JAML: variants seen among roughly 807,000 people sequenced by gnomAD.
JAML encodes the protein junction adhesion molecule like.
Under a neutral mutation model 39.3 loss-of-function variants are expected in JAML, and 25 were observed. That is an observed-to-expected ratio of 0.64 (90% CI 0.46 to 0.89). The LOEUF (loss-of-function observed/expected upper bound fraction) is 0.89. Among genes scored for constraint, JAML ranks in the 40% least tolerant of loss-of-function variants. The pLI is 0.00. For missense variants in JAML, 440 were observed against 486.9 expected, an observed-to-expected ratio of 0.90 and a Z score of 0.91; for synonymous variants, 162 against 179.2, an observed-to-expected ratio of 0.90 and a Z score of 0.77.
chr11:118,203,964 T>A (rs1948867173), intron 5 of JAML: 1 of 343,490 alleles, frequency 2.9e-6, no homozygotes, highest in African/African-American at 2.1e-5. Context: ...TATACTTTTA[T>A]TCTTGATGAC....
At chr11:118,221,272 C>G (rs896137906) in intron 1 of JAML, among the ~76,000 whole-genome samples, 3 of 152,216 alleles carry the variant, frequency 2.0e-5, no homozygotes, top group Non-Finnish European at 4.4e-5. Flanking sequence ...ATGCTCTAAA[C>G]TCCTCCCGGA....
chr11:118,196,779 C>T lies in JAML; in HGVS notation c.1048G>A (p.Glu350Lys), dbSNP rs150082618. ...SPIIVREVIE[E>K]EEPSEKSEAT... ...TCTGATTTTTCACTTGGTTCTTCTT[C>T]CTCGATCACCTCCCGTACAATTATT... The change falls in exon 9 of 10, where the codon GAA (glutamate) becomes AAA (lysine). Residue 350 changes from glutamate (E) to lysine (K), a missense_variant. Glu to Lys is a moderately conservative substitution (Grantham distance 56). Transcript: ENST00000356289. 6.8e-5 allele frequency: 109 copies of T among 1,612,982 alleles called. No homozygotes were observed. The African/African-American group carries it at 1.3e-3, about 19-fold the overall frequency.
At chr11:118,214,157 G>T (rs1022803373) in intron 2 of JAML, among the ~76,000 whole-genome samples, 10 of 152,294 alleles carry the variant, frequency 6.6e-5, no homozygotes, top group African/African-American at 2.2e-4. Context: ...TAAAGAAAAA[G>T]GCATGGGGGA....
At chr11:118,199,586 A>G (rs1948731487) in intron 7 of JAML, among the ~76,000 whole-genome samples, 2 of 152,150 alleles carry the variant, frequency 1.3e-5, no homozygotes, top group African/African-American at 4.8e-5. Flanking sequence ...ATCTGCCAAC[A>G]GCCAGTGAAA....
At chr11:118,199,444 A>G (rs906641275) in intron 7 of JAML, among the ~76,000 whole-genome samples, 8 of 152,034 alleles carry the variant, frequency 5.3e-5, no homozygotes, top group Admixed American at 3.3e-4. Flanking sequence ...AGGATCCAAG[A>G]CCCACTGGGA....
chr11:118,213,059 G>A, intron 2 of JAML: 1 of 1,580,108 alleles, frequency 6.3e-7, no homozygotes, highest in Non-Finnish European at 8.6e-7. Flanking sequence ...CTGTAGGGCA[G>A]GTCCTTGTAA....
chr11:118,200,663 C>T, intron 6 of JAML, 51 bp from the exon 7 acceptor site: 3 of 1,608,710 alleles, frequency 1.9e-6, no homozygotes, highest in Non-Finnish European at 2.6e-6. Flanking sequence ...TAGCAAAGAG[C>T]TGAGAGCCCC....
In JAML at chr11:118,194,053, T is replaced by G. The variant is rs1027104277; in HGVS notation, c.*272A>C. 6.0e-5 allele frequency: 24 copies of G among 402,430 alleles called. No individual in the cohort carries two copies. The highest frequency in any genetic ancestry group is 1.4e-3 in the Middle Eastern group (2 of 1,402). The allele number at this position is 402,430 out of a possible 1,614,324, so 24.9% of individuals were successfully genotyped here. On this transcript the variant is annotated 3_prime_UTR_variant, in exon 10 of 10. Coordinates refer to ENST00000356289, the MANE Select transcript of JAML (RefSeq NM_001098526.2). Reference sequence around the variant, plus strand: ...CAGGAGGGTCTGATCCAACGGGGGGTTTGAGGCCACTCAGCTCAGCCTGGT... The same window carrying G: ...CAGGAGGGTCTGATCCAACGGGGGGGTTGAGGCCACTCAGCTCAGCCTGGT...
intron 6 of JAML, chr11:118,202,629 T>C (rs17121871): frequency 0.51 from 113,615 of 222,910 alleles, 30,864 homozygotes; most frequent in South Asian, 0.73. Context: ...TGAATTGGAC[T>C]TCTGAGAAGG....
chr11:118,200,465 G>T lies in JAML; in HGVS notation c.911+9C>A. The T allele has an allele frequency of 1.2e-6, 2 of 1,614,026 alleles. No homozygotes were observed. Among genetic ancestry groups the T allele is most frequent in the East Asian group, 2.2e-5 (1 of 44,872 alleles). ...CCTCCCAATCCAAGGGGTGGGGGTA[G>T]CCCTGTACCTCTTATTTCCACAGGT... On this transcript the variant is annotated intron_variant, in intron 7 of 9. Coordinates refer to ENST00000356289, the MANE Select transcript of JAML (RefSeq NM_001098526.2).
intron 4 of JAML, among the ~76,000 whole-genome samples, chr11:118,209,793 G>A (rs966509503): frequency 1.3e-5 from 2 of 151,716 alleles, no homozygotes; most frequent in African/African-American, 4.8e-5. Flanking sequence ...CCCACCTCGG[G>A]CTCCCAAAGT....
At chr11:118,200,834 G>A (rs936290831) in intron 6 of JAML, 2 of 470,478 alleles carry the variant, frequency 4.3e-6, no homozygotes, top group Non-Finnish European at 7.6e-6. Context: ...GGTGGGAGAA[G>A]AGGCTAGCAG....
Position 118,211,381 on chromosome 11 carries a change from T to A in JAML, c.199-669A>T, listed in dbSNP as rs185286612. Among the ~76,000 whole-genome samples the A allele has an allele frequency of 2.5e-3, 384 of 152,336 alleles. 3 individuals are homozygous for A. Among genetic ancestry groups the A allele is most frequent in the African/African-American group, 8.6e-3 (359 of 41,572 alleles). On this transcript the variant is annotated intron_variant, in intron 3 of 9. Transcript: ENST00000356289. Reference sequence around the variant, plus strand: ...CCTCAGTCTCCCAAGTAGCTGGGACTACAGGTACATGCCACTGCAGCCAGC... The same window carrying A: ...CCTCAGTCTCCCAAGTAGCTGGGACAACAGGTACATGCCACTGCAGCCAGC...
Position 118,212,561 on chromosome 11 carries a change from T to A in JAML, c.44A>T (p.Asp15Val). The change falls in exon 3 of 10, where the codon GAT (aspartate) becomes GTT (valine). Residue 15 changes from aspartate (D) to valine (V), a missense_variant and splice_region_variant. Asp to Val is a radical substitution (Grantham distance 152). Transcript: ENST00000356289. Reference protein sequence around the residue: ...LKLILLPVLLDYSLGLNDLNV... With the variant: ...LKLILLPVLLVYSLGLNDLNV... ...CAAGTCATTCAGGCCCAAGGAATAA[T>A]CTATAGAAGTCAAAGGCAAGAGGAC... is the stretch of plus-strand genomic sequence containing the variant. The A allele has an allele frequency of 6.2e-7, 1 of 1,613,740 alleles. No homozygotes were observed. Among genetic ancestry groups the A allele is most frequent in the Non-Finnish European group, 8.5e-7 (1 of 1,179,978 alleles).
chr11:118,212,965 C>G, intron 2 of JAML: 1 of 1,614,140 alleles, frequency 6.2e-7, no homozygotes, highest in Non-Finnish European at 8.5e-7. Flanking sequence ...CACTGGTTCC[C>G]TCTCTGAAAA....
At chr11:118,212,365 G>T in intron 3 of JAML, 42 bp downstream of exon 3, 1 of 1,603,578 alleles carries the variant, frequency 6.2e-7, no homozygotes, top group South Asian at 1.1e-5. Context: ...GACACCAGCA[G>T]TCAGGGGCTT....
At chr11:118,220,851 G>A (rs552242646) in intron 1 of JAML, among the ~76,000 whole-genome samples, 13 of 152,338 alleles carry the variant, frequency 8.5e-5, no homozygotes, top group Admixed American at 5.9e-4. Flanking sequence ...AAGCTCAGCT[G>A]CTGAAAATGG....
At position 118,203,686 on chromosome 11, in the gene JAML, G is replaced by C. The variant is rs764635803; in HGVS notation, c.535-21C>G. ...TCCTCCTAGAAGTGAAAGACAAAAA[G>C]TATGATATTGTGAGGACTGGAGTGG... On this transcript the variant is annotated intron_variant, in intron 5 of 9. Transcript: ENST00000356289. 1.2e-5 allele frequency: 19 copies of C among 1,588,044 alleles called. No homozygotes were observed. The South Asian group carries it at 2.0e-4, about 17-fold the overall frequency.
At chr11:118,200,416 G>A in intron 7 of JAML, 58 bp downstream of exon 7, 1 of 1,597,026 alleles carries the variant, frequency 6.3e-7, no homozygotes, top group Non-Finnish European at 8.6e-7. Flanking sequence ...CTACTTTGGG[G>A]TAGAGGCAGC....
Sources: gnomAD v4.1 joint callset for allele counts (sites outside exome capture counted in the v4.1 genomes callset) on GRCh38, gnomAD v4.1.1 for gene constraint, MANE v1.5 for transcripts, NCBI Gene and HGNC (gene_info 2026-07-23, HGNC 2026-07-21) for gene names.